The following PTCHD4 variants were observed in gnomAD, a reference collection of about 807,000 sequenced individuals.
PTCHD4 encodes the protein patched domain-containing protein 4.
PTCHD4 carries 33 observed loss-of-function variants against 58.1 expected under a neutral mutation model. That is an observed-to-expected ratio of 0.57 (90% CI 0.43 to 0.76). The LOEUF (loss-of-function observed/expected upper bound fraction) is 0.76. Among genes scored for constraint, PTCHD4 ranks in the 30% least tolerant of loss-of-function variants. The probability of loss-of-function intolerance (pLI) is 0.00; values close to 1 mark genes in which losing one functional copy is unlikely to be tolerated. For synonymous variants in PTCHD4, 478 were observed against 409.6 expected (o/e 1.17, Z -2.02); for missense variants, 1,058 against 1,027.1 (o/e 1.03, Z -0.41).
chr6:47,895,390 C>T (rs556398923), intron 4 of PTCHD4, among the ~76,000 whole-genome samples: 2 of 152,104 alleles, frequency 1.3e-5, no homozygotes, highest in African/African-American at 2.4e-5. Context: ...AATTGACTGA[C>T]AACAACCTAG....
chr6:47,935,120 T>C (rs543458489), intron 4 of PTCHD4, among the ~76,000 whole-genome samples: 1 of 152,320 alleles, frequency 6.6e-6, no homozygotes, highest in South Asian at 2.1e-4. Flanking sequence ...AGAAATTGGA[T>C]ACTTTTAAGG....
intron 4 of PTCHD4, among the ~76,000 whole-genome samples, chr6:47,931,319 A>AATATCATGAGAGTCCAATCAGAGTTAT (rs1765813183): frequency 6.6e-6 from 1 of 152,222 alleles, no homozygotes; most frequent in South Asian, 2.1e-4. Flanking sequence ...CACACATGCA[A>AATATCATGAGAGTCCAATCAGAGTTAT]ATATCATGAG....
intron 4 of PTCHD4, among the ~76,000 whole-genome samples, chr6:47,933,811 A>G (rs1001515446): frequency 6.6e-6 from 1 of 152,216 alleles, no homozygotes; most frequent in Non-Finnish European, 1.5e-5. Context: ...CTCTGTTTTA[A>G]ACAATAACTG....
chr6:48,072,677 CTG>C (rs562894980), intron 1 of PTCHD4, among the ~76,000 whole-genome samples: 9 of 151,698 alleles, frequency 5.9e-5, no homozygotes, highest in African/African-American at 1.5e-4. Flanking sequence ...TTATCTATAT[CTG>C]TGTGTGTGTG....
At chr6:48,053,684 C>T (rs1423618461) in intron 3 of PTCHD4, among the ~76,000 whole-genome samples, 1 of 152,108 alleles carries the variant, frequency 6.6e-6, no homozygotes, top group Non-Finnish European at 1.5e-5. Flanking sequence ...TTTAAAGTGT[C>T]TCCGGACATA....
chr6:47,963,799 T>C (rs895202744), intron 4 of PTCHD4, among the ~76,000 whole-genome samples: 1 of 152,206 alleles, frequency 6.6e-6, no homozygotes, highest in African/African-American at 2.4e-5. Flanking sequence ...AACAGAGCAA[T>C]GACATACTTC....
intron 3 of PTCHD4, among the ~76,000 whole-genome samples, chr6:48,029,505 T>C (rs1363584248): frequency 6.6e-6 from 1 of 152,116 alleles, no homozygotes; most frequent in Non-Finnish European, 1.5e-5. Flanking sequence ...ATGGCTTTTC[T>C]GCTTGAAATT....
chr6:47,904,404 A>C (rs1668296812), intron 4 of PTCHD4, among the ~76,000 whole-genome samples: 1 of 152,226 alleles, frequency 6.6e-6, no homozygotes, highest in South Asian at 2.1e-4. Flanking sequence ...AGTCACACTC[A>C]TTCATTTACA....
chr6:47,895,099 C>T (rs1764493553), intron 4 of PTCHD4, among the ~76,000 whole-genome samples: 1 of 151,896 alleles, frequency 6.6e-6, no homozygotes, highest in African/African-American at 2.4e-5. Context: ...TGTGCCACTC[C>T]ACTCCAGCCT....
chr6:47,914,031 G>A (rs1328990123), intron 4 of PTCHD4, among the ~76,000 whole-genome samples: 1 of 152,048 alleles, frequency 6.6e-6, no homozygotes, highest in Non-Finnish European at 1.5e-5. Context: ...GTTTGTTATT[G>A]TCCAATGATC....
chr6:48,007,479 A>AT (rs1485625239), intron 4 of PTCHD4, among the ~76,000 whole-genome samples: 1 of 152,218 alleles, frequency 6.6e-6, no homozygotes, highest in Non-Finnish European at 1.5e-5. Flanking sequence ...TTCAGAGCTG[A>AT]TTTTAACCTG....
intron 4 of PTCHD4, among the ~76,000 whole-genome samples, chr6:47,936,688 C>A (rs1766010322): frequency 6.6e-6 from 1 of 152,314 alleles, no homozygotes; most frequent in South Asian, 2.1e-4. Flanking sequence ...TTGTGATGTG[C>A]TAGGCATTGT....
intron 3 of PTCHD4, among the ~76,000 whole-genome samples, chr6:48,009,759 C>G (rs889975062): frequency 6.6e-6 from 1 of 152,210 alleles, no homozygotes; most frequent in Non-Finnish European, 1.5e-5. Flanking sequence ...TTACAATGCT[C>G]TCTCCAAACA....
intron 3 of PTCHD4, among the ~76,000 whole-genome samples, chr6:48,035,922 C>T (rs568337170): frequency 6.6e-6 from 1 of 152,078 alleles, no homozygotes; most frequent in Non-Finnish European, 1.5e-5. Context: ...AGCCTTATCT[C>T]TCTCCCCCAC....
At chr6:48,103,291 T>C (rs1765647574) in intron 1 of PTCHD4, among the ~76,000 whole-genome samples, 1 of 152,172 alleles carries the variant, frequency 6.6e-6, no homozygotes, top group African/African-American at 2.4e-5. Flanking sequence ...CATTTGCGGT[T>C]CACCAATATC....
intron 1 of PTCHD4, among the ~76,000 whole-genome samples, chr6:48,073,672 C>T (rs990740230): frequency 5.3e-5 from 8 of 152,132 alleles, no homozygotes; most frequent in Non-Finnish European, 5.9e-5. Flanking sequence ...ATCCACCTTC[C>T]GCTGATGACT....
intron 4 of PTCHD4, among the ~76,000 whole-genome samples, chr6:47,902,926 G>T (rs960601627): frequency 2.0e-5 from 3 of 152,184 alleles, no homozygotes; most frequent in Admixed American, 6.5e-5. Flanking sequence ...TTGGCATTAT[G>T]ATGACCCGAG....
At chr6:47,985,429 T>G (rs1055299821) in intron 4 of PTCHD4, among the ~76,000 whole-genome samples, 2 of 152,132 alleles carry the variant, frequency 1.3e-5, no homozygotes, top group Non-Finnish European at 2.9e-5. Flanking sequence ...AGCATATACA[T>G]AGACAGCAAG....
rs537913766 is a variant in PTCHD4, at chr6:47,958,246, G to C, written c.898+50388C>G. Among the ~76,000 whole-genome samples, 104 of 152,168 alleles carry C rather than the reference G, an allele frequency of 6.8e-4. 1 individual carries two copies. The highest frequency in any genetic ancestry group is 2.3e-3 in the African/African-American group (96 of 41,532). On this transcript the variant is annotated intron_variant, in intron 4 of 4. Transcript: ENST00000339488. The stretch of plus-strand genomic sequence containing the variant: ...AACAAATTAAAGTTCCAGTGACCTG[G>C]ACTTCTACTCCTGGTCAAGATAGAT...
Sources: gnomAD v4.1 joint callset for allele counts (sites outside exome capture counted in the v4.1 genomes callset) on GRCh38, gnomAD v4.1.1 for gene constraint, MANE v1.5 for transcripts, NCBI Gene and HGNC (gene_info 2026-07-23, HGNC 2026-07-21) for gene names.